SPECC1L: variants seen among roughly 807,000 people sequenced by gnomAD.
SPECC1L encodes the protein sperm antigen with calponin homology and coiled-coil domains 1 like, also known as cytospin-A.
Under a neutral mutation model 116.8 loss-of-function variants are expected in SPECC1L, and 40 were observed. The observed-to-expected ratio is 0.34, with a 90% CI of 0.27 to 0.45. The LOEUF is 0.45. Ranked by LOEUF, SPECC1L falls within the 20% of genes least tolerant of loss-of-function variation. The probability of loss-of-function intolerance (pLI) is 1.00; values close to 1 mark genes in which losing one functional copy is unlikely to be tolerated. For synonymous variants in SPECC1L, 504 were observed against 500.6 expected (o/e 1.01, Z -0.09); for missense variants, 1,110 against 1,373.6 (o/e 0.81, Z 3.03).
intron 8 of SPECC1L, among the ~76,000 whole-genome samples, chr22:24,333,653 A>G (rs2040985528): frequency 6.6e-6 from 1 of 151,050 alleles, no homozygotes; most frequent in African/African-American, 2.4e-5. Flanking sequence ...GCTAAGCATG[A>G]TGTATTAGCT....
intron 14 of SPECC1L, among the ~76,000 whole-genome samples, chr22:24,387,702 A>G (rs1299008391): frequency 6.6e-6 from 1 of 152,228 alleles, no homozygotes; most frequent in Non-Finnish European, 1.5e-5. Flanking sequence ...AATAATTTAT[A>G]ATACTGTATT....
chr22:24,317,615 TC>T (rs1569418014), intron 4 of SPECC1L, among the ~76,000 whole-genome samples: 1 of 12,354 alleles, frequency 8.1e-5, no homozygotes. Flanking sequence ...GGGGGGCTGA[TC>T]CCCCCACCTC....
At chr22:24,327,838 C>T (rs770683800) in intron 6 of SPECC1L, among the ~76,000 whole-genome samples, 6 of 152,022 alleles carry the variant, frequency 3.9e-5, no homozygotes, top group Non-Finnish European at 8.8e-5. Flanking sequence ...ACAGATGTGT[C>T]GAGATGTGGT....
At chr22:24,376,302 A>G (rs2146676253) in intron 14 of SPECC1L, among the ~76,000 whole-genome samples, 1 of 152,316 alleles carries the variant, frequency 6.6e-6, no homozygotes, top group Admixed American at 6.5e-5. Flanking sequence ...CTGGGACTAC[A>G]GGTGTAGGCC....
At chr22:24,329,321 G>A (rs1001881078) in intron 7 of SPECC1L, among the ~76,000 whole-genome samples, 3 of 152,220 alleles carry the variant, frequency 2.0e-5, no homozygotes, top group Middle Eastern at 3.2e-3. Flanking sequence ...TTTTGGATAA[G>A]TGATACTCGA....
At chr22:24,299,098 A>T (rs1162132138) in intron 2 of SPECC1L, among the ~76,000 whole-genome samples, 5 of 152,140 alleles carry the variant, frequency 3.3e-5, no homozygotes, top group Non-Finnish European at 1.5e-5. Flanking sequence ...TGGATTTCTG[A>T]CCATTTTAGT....
intron 6 of SPECC1L, among the ~76,000 whole-genome samples, chr22:24,328,291 C>T (rs1326046967): frequency 1.3e-5 from 2 of 151,936 alleles, no homozygotes; most frequent in Non-Finnish European, 2.9e-5. Flanking sequence ...TTCACATTAT[C>T]GGATAAATAA....
At chr22:24,333,511 A>G (rs1358077907) in intron 8 of SPECC1L, among the ~76,000 whole-genome samples, 1 of 151,360 alleles carries the variant, frequency 6.6e-6, no homozygotes, top group Admixed American at 6.6e-5. Flanking sequence ...CTCAGGATGC[A>G]TCACACTGAG....
Position 24,322,002 on chromosome 22 carries a change from C to G in SPECC1L, c.1022C>G (p.Ser341Cys). 6.2e-7 allele frequency: 1 copy of G among 1,614,194 alleles called. No individual in the cohort carries two copies. Among genetic ancestry groups the G allele is most frequent in the Non-Finnish European group, 8.5e-7 (1 of 1,180,038 alleles). ...CTAATGGACCATCAGCACAGTAACT[C>G]CATGGACAATTTAGACAGTGAGTGC... ...NTLMDHQHSN[S>C]MDNLDSECSE... The change falls in exon 5 of 17, where the codon TCC (serine) becomes TGC (cysteine). Residue 341 changes from serine to cysteine, a missense_variant. Transcript: ENST00000314328.
chr22:24,302,402 G>A lies in SPECC1L; in HGVS notation c.153+18G>A, dbSNP rs1271627713. The A allele has an allele frequency of 6.2e-7, 1 of 1,613,776 alleles. No individual in the cohort carries two copies. Among genetic ancestry groups the A allele is most frequent in the African/African-American group, 1.3e-5 (1 of 74,934 alleles). On this transcript the variant is annotated intron_variant, in intron 3 of 16. Coordinates refer to ENST00000314328, the MANE Select transcript of SPECC1L (RefSeq NM_015330.6). Reference sequence around the variant, plus strand: ...TGTCAAAGGTATTCATGTGATGTTTGAATACATGATGGGTTTTTGGAGGAC... The same window carrying A: ...TGTCAAAGGTATTCATGTGATGTTTAAATACATGATGGGTTTTTGGAGGAC...
intron 14 of SPECC1L, among the ~76,000 whole-genome samples, chr22:24,389,485 C>T (rs979981508): frequency 6.7e-6 from 1 of 149,374 alleles, no homozygotes. Flanking sequence ...CACTTTTGTC[C>T]AGGTTTATAT....
rs184021872 is a variant in SPECC1L, at chr22:24,347,780, A to G, written c.2743+604A>G. Reference sequence around the variant, plus strand: ...AACCTCTGCCTCCCGGGTTCAAGCAATTCTCCCACCTCAGCCTCCCGAATA... The same window carrying G: ...AACCTCTGCCTCCCGGGTTCAAGCAGTTCTCCCACCTCAGCCTCCCGAATA... On this transcript the variant is annotated intron_variant, in intron 11 of 16. Coordinates refer to ENST00000314328, the MANE Select transcript of SPECC1L (RefSeq NM_015330.6). Among the ~76,000 whole-genome samples the G allele has an allele frequency of 2.1e-4, 32 of 152,190 alleles. No individual in the cohort carries two copies. The East Asian group carries it at 3.5e-3, about 17-fold the overall frequency.
chr22:24,322,654 G>C lies in SPECC1L; in HGVS notation c.1674G>C (p.Leu558Phe). Residue 558 changes from leucine to phenylalanine, a missense_variant, in exon 5 of 17, where the codon TTG (leucine) becomes TTC (phenylalanine). By Grantham distance (22) the Leu-to-Phe change is conservative. Around this residue, in one of 4 missense-constraint regions of SPECC1L, gnomAD observed 575 missense variants for 682.4 expected, o/e 0.84. Coordinates refer to ENST00000314328, the MANE Select transcript of SPECC1L (RefSeq NM_015330.6). Reference sequence around the variant, plus strand: ...CTGAGCAGAAAGGAAAAGCAGCCTTGGCAGCCACGTTAGAGGAATACAAAG... The same window carrying C: ...CTGAGCAGAAAGGAAAAGCAGCCTTCGCAGCCACGTTAGAGGAATACAAAG... ...IESEQKGKAA[L>F]AATLEEYKAT... 1 of 1,613,756 alleles carries C rather than the reference G, an allele frequency of 6.2e-7. No individual in the cohort carries two copies. The highest frequency in any genetic ancestry group is 8.5e-7 in the Non-Finnish European group (1 of 1,179,896).
intron 14 of SPECC1L, among the ~76,000 whole-genome samples, chr22:24,399,424 G>A (rs2042427767): frequency 2.6e-5 from 4 of 152,096 alleles, no homozygotes; most frequent in Non-Finnish European, 4.4e-5. Context: ...CAAAAAATTA[G>A]CTGGGCGTGG....
intron 14 of SPECC1L, among the ~76,000 whole-genome samples, chr22:24,371,109 A>T (rs2041862572): frequency 6.6e-6 from 1 of 152,094 alleles, no homozygotes; most frequent in South Asian, 2.1e-4. Flanking sequence ...CACTGCAAAA[A>T]GAAAAAAAAG....
intron 2 of SPECC1L, among the ~76,000 whole-genome samples, chr22:24,278,905 C>T (rs1172859037): frequency 6.6e-6 from 1 of 152,068 alleles, no homozygotes; most frequent in East Asian, 1.9e-4. Flanking sequence ...ACTGATGAGC[C>T]AGAAAAGTAA....
chr22:24,333,443 T>G (rs558217674), intron 8 of SPECC1L, among the ~76,000 whole-genome samples: 43 of 152,286 alleles, frequency 2.8e-4, no homozygotes, highest in African/African-American at 1.0e-3. Flanking sequence ...TCTGTGTTAG[T>G]CAGCGTAGTG....
rs572439383 is a variant in SPECC1L, at chr22:24,362,103, A to C, written c.2744-1158A>C. ...GTTTTTCTTAGCCCAGTCACACACC[A>C]GCCCGTGACCAGAAAGAACAATTCT... is the stretch of plus-strand genomic sequence containing the variant. On this transcript the variant is annotated intron_variant, in intron 11 of 16. Coordinates refer to ENST00000314328, the MANE Select transcript of SPECC1L (RefSeq NM_015330.6). Among the ~76,000 whole-genome samples the C allele has an allele frequency of 1.8e-4, 27 of 152,310 alleles. No homozygotes were observed. In the South Asian group the frequency reaches 5.4e-3, roughly 30 times the overall value.
intron 2 of SPECC1L, among the ~76,000 whole-genome samples, chr22:24,300,927 A>C (rs1311392982): frequency 6.6e-6 from 1 of 152,214 alleles, no homozygotes; most frequent in Non-Finnish European, 1.5e-5. Flanking sequence ...CAGAAAACTG[A>C]AACTGGACCC....
Sources: gnomAD v4.1 joint callset for allele counts (sites outside exome capture counted in the v4.1 genomes callset) on GRCh38, gnomAD v4.1.1 for gene constraint, gnomAD v4.1.1 regional missense constraint, MANE v1.5 for transcripts, NCBI Gene and HGNC (gene_info 2026-07-23, HGNC 2026-07-21) for gene names.